The following CNTNAP2 variants were observed in gnomAD, a reference collection of about 807,000 sequenced individuals.
CNTNAP2 encodes contactin associated protein 2, also known as contactin-associated protein-like 2.
Under a neutral mutation model 155.2 loss-of-function variants are expected in CNTNAP2, and 98 were observed. That is an observed-to-expected ratio of 0.63 (90% CI 0.54 to 0.75). CNTNAP2 has a LOEUF of 0.75. Ranked by LOEUF, CNTNAP2 falls within the 30% of genes least tolerant of loss-of-function variation. The probability of loss-of-function intolerance (pLI) is 0.00; values close to 1 mark genes in which losing one functional copy is unlikely to be tolerated. For synonymous variants in CNTNAP2, 651 were observed against 631.2 expected (o/e 1.03, Z -0.47); for missense variants, 1,727 against 1,688.1 (o/e 1.02, Z -0.40).
chr7:147,535,819 A>C (rs1164600610), intron 11 of CNTNAP2, among the ~76,000 whole-genome samples: 1 of 152,238 alleles, frequency 6.6e-6, no homozygotes. Flanking sequence ...ACCCTCTGTC[A>C]GCAAAAATAG....
chr7:146,458,858 A>T (rs570983198), intron 1 of CNTNAP2, among the ~76,000 whole-genome samples: 87 of 152,268 alleles, frequency 5.7e-4, no homozygotes, highest in Non-Finnish European at 1.1e-3. Context: ...CTCACTGCAG[A>T]TTTAGGACTT....
chr7:148,199,582 A>G (rs1401191593), intron 18 of CNTNAP2, among the ~76,000 whole-genome samples: 1 of 152,214 alleles, frequency 6.6e-6, no homozygotes, highest in East Asian at 1.9e-4. Flanking sequence ...TGGACTCTAT[A>G]TAGCTGTACT....
intron 1 of CNTNAP2, among the ~76,000 whole-genome samples, chr7:146,641,728 G>GA (rs1230715761): frequency 8.6e-5 from 13 of 151,910 alleles, no homozygotes; most frequent in Non-Finnish European, 1.8e-4. Context: ...GGAGGAGAGA[G>GA]AAAAAAATGT....
intron 1 of CNTNAP2, among the ~76,000 whole-genome samples, chr7:146,575,889 A>G (rs1273120192): frequency 6.6e-6 from 1 of 152,218 alleles, no homozygotes; most frequent in African/African-American, 2.4e-5. Flanking sequence ...TTGTCTACCG[A>G]AAGGCTTACG....
intron 1 of CNTNAP2, among the ~76,000 whole-genome samples, chr7:146,712,757 A>G (rs773469360): frequency 6.6e-6 from 1 of 151,908 alleles, no homozygotes. Flanking sequence ...TCATTTTCAT[A>G]TCATATCTTA....
intron 12 of CNTNAP2, among the ~76,000 whole-genome samples, chr7:147,620,501 T>A (rs557895313): frequency 6.7e-6 from 1 of 149,944 alleles, no homozygotes; most frequent in Admixed American, 6.7e-5. Flanking sequence ...ATATATTAAT[T>A]AAAAATAACT....
chr7:147,138,775 C>G (rs1233310962), intron 8 of CNTNAP2, among the ~76,000 whole-genome samples: 1 of 151,858 alleles, frequency 6.6e-6, no homozygotes, highest in African/African-American at 2.4e-5. Flanking sequence ...TATTTTTGAG[C>G]CTTTTAAAAT....
At chr7:147,011,646 CT>C (rs71525980) in intron 3 of CNTNAP2, among the ~76,000 whole-genome samples, 56,618 of 151,732 alleles carry the variant, frequency 0.37, 10,735 homozygotes, top group South Asian at 0.44. Context: ...GCCACTCATT[CT>C]CCTCTGAGAC....
rs181994386 is a variant in CNTNAP2, at chr7:146,141,329, G to A, written c.97+24356G>A. Among the ~76,000 whole-genome samples, 15 of 152,178 alleles carry A rather than the reference G, an allele frequency of 9.9e-5. No individual in the cohort carries two copies. The East Asian group carries it at 2.3e-3, about 24-fold the overall frequency. The stretch of plus-strand genomic sequence containing the variant: ...ATGTTTACATATCAATATATTATTC[G>A]TGTAGATCACTATCCTTTTATTGCA... On this transcript the variant is annotated intron_variant, in intron 1 of 23. Coordinates refer to ENST00000361727, the MANE Select transcript of CNTNAP2 (RefSeq NM_014141.6).
intron 13 of CNTNAP2, among the ~76,000 whole-genome samples, chr7:147,801,250 A>T (rs1584961868): frequency 6.6e-6 from 1 of 151,994 alleles, no homozygotes. Flanking sequence ...ACTTCTTAGA[A>T]ACGTGTATCA....
At chr7:146,830,343 A>G (rs544729307) in intron 2 of CNTNAP2, among the ~76,000 whole-genome samples, 25 of 152,238 alleles carry the variant, frequency 1.6e-4, no homozygotes, top group Non-Finnish European at 3.4e-4. Context: ...AAAAGGAAAC[A>G]AGAAGAGCTT....
At chr7:147,904,284 AG>A (rs1799922639) in intron 14 of CNTNAP2, among the ~76,000 whole-genome samples, 1 of 152,230 alleles carries the variant, frequency 6.6e-6, no homozygotes, top group Non-Finnish European at 1.5e-5. Context: ...AATCAGTTCA[AG>A]AAAGATCTAT....
At chr7:146,852,469 T>C (rs1179082830) in intron 3 of CNTNAP2, among the ~76,000 whole-genome samples, 1 of 152,112 alleles carries the variant, frequency 6.6e-6, no homozygotes, top group Non-Finnish European at 1.5e-5. Context: ...TAAGAATCAA[T>C]CTCCCACCCC....
chr7:147,361,109 T>C lies in CNTNAP2; in HGVS notation c.1499-34500T>C, dbSNP rs146493626. ...CATTTAAAGAAAAAAACCTAAAATA[T>C]AGAAAACCAAAAAAGATTAACTAAA... On this transcript the variant is annotated intron_variant, in intron 9 of 23. Transcript: ENST00000361727. Among the ~76,000 whole-genome samples the C allele has an allele frequency of 1.9e-4, 29 of 152,002 alleles. 1 individual carries two copies. In the East Asian group the frequency reaches 4.1e-3, roughly 21 times the overall value.
At chr7:147,433,255 A>G (rs1331958305) in intron 10 of CNTNAP2, among the ~76,000 whole-genome samples, 2 of 152,280 alleles carry the variant, frequency 1.3e-5, no homozygotes, top group African/African-American at 4.8e-5. Context: ...TGGGCGAATA[A>G]TTTGCATTCA....
chr7:147,756,879 G>T (rs544949472), intron 13 of CNTNAP2, among the ~76,000 whole-genome samples: 1 of 152,252 alleles, frequency 6.6e-6, no homozygotes, highest in South Asian at 2.1e-4. Flanking sequence ...TCCCTTTAGT[G>T]TCTTTATCAG....
intron 15 of CNTNAP2, among the ~76,000 whole-genome samples, chr7:148,042,844 C>T (rs1802704398): frequency 6.6e-6 from 1 of 152,140 alleles, no homozygotes; most frequent in East Asian, 1.9e-4. Context: ...TAAAACCCCA[C>T]CTAAACATTC....
rs1228306644 is a variant in CNTNAP2 at position 146,944,991 on chromosome 7, G to A, written c.403-98916G>A. Among the ~76,000 whole-genome samples, 4 of 152,202 alleles carry A rather than the reference G, an allele frequency of 2.6e-5. No homozygotes were observed. In the East Asian group the frequency reaches 7.7e-4, roughly 29 times the overall value. On this transcript the variant is annotated intron_variant, in intron 3 of 23. Coordinates refer to ENST00000361727, the MANE Select transcript of CNTNAP2 (RefSeq NM_014141.6). ...GATTTATGTTCTGTCTTTTCTGTTGGCATTTCTTTTTATATTTTTCTTCTG... is the reference window on the plus strand; with the variant it reads ...GATTTATGTTCTGTCTTTTCTGTTGACATTTCTTTTTATATTTTTCTTCTG...
At chr7:147,384,176 T>TTCA (rs2116936879) in intron 9 of CNTNAP2, among the ~76,000 whole-genome samples, 1 of 152,286 alleles carries the variant, frequency 6.6e-6, no homozygotes, top group South Asian at 2.1e-4. Flanking sequence ...ATAGACATCT[T>TTCA]AAGTATTCAC....
Sources: allele counts gnomAD v4.1 joint callset (sites outside exome capture counted in the v4.1 genomes callset), GRCh38; gene constraint gnomAD v4.1.1; transcripts MANE v1.5; gene names NCBI Gene and HGNC (gene_info 2026-07-23, HGNC 2026-07-21).